The following ROBO1 variants were observed in gnomAD, a reference collection of about 807,000 sequenced individuals.
ROBO1 encodes the protein roundabout guidance receptor 1, also known as roundabout homolog 1.
Under a neutral mutation model 195.9 loss-of-function variants are expected in ROBO1, and 149 were observed. The ratio of observed to expected loss-of-function variants is 0.76; its 90% CI spans 0.67 to 0.87. The LOEUF (loss-of-function observed/expected upper bound fraction) is 0.87, where lower values mean the gene tolerates loss of function less well. Ranked by LOEUF, ROBO1 falls within the 40% of genes least tolerant of loss-of-function variation. The pLI is 0.00. For synonymous variants in ROBO1, 816 were observed against 733.2 expected (o/e 1.11, Z -1.82); for missense variants, 1,933 against 2,068.3 (o/e 0.93, Z 1.27).
At chr3:79,196,321 G>GGT (rs1468796460) in intron 2 of ROBO1, among the ~76,000 whole-genome samples, 5 of 146,628 alleles carry the variant, frequency 3.4e-5, no homozygotes, top group African/African-American at 1.3e-4. Flanking sequence ...AAAAAGATGA[G>GGT]GTGAGAAGAA....
At chr3:78,651,136 C>T (rs1004241419) in intron 19 of ROBO1, among the ~76,000 whole-genome samples, 8 of 152,040 alleles carry the variant, frequency 5.3e-5, no homozygotes, top group Admixed American at 1.3e-4. Context: ...ACTGTAAACA[C>T]ATTCGTAACA....
chr3:78,845,146 T>G (rs750668351), intron 4 of ROBO1, among the ~76,000 whole-genome samples: 1 of 152,052 alleles, frequency 6.6e-6, no homozygotes, highest in Non-Finnish European at 1.5e-5. Flanking sequence ...CACTAACTAC[T>G]GTGAATATCA....
In ROBO1 at chr3:79,539,254, TTTG is replaced by T. The variant is rs1267280519; in HGVS notation, c.88+50567_88+50569del. Among the ~76,000 whole-genome samples the T allele has an allele frequency of 2.0e-5, 3 of 152,148 alleles. No individual in the cohort carries two copies. The East Asian group carries it at 5.8e-4, about 29-fold the overall frequency. ...TTTACAAGCTGGAATTATCAGATAA[TTTG>T]TTATGGGATACTCCTTAATACTTCC... On this transcript the variant is annotated intron_variant, in intron 2 of 30. Transcript: ENST00000464233.
At chr3:78,790,215 A>G (rs559102987) in intron 4 of ROBO1, among the ~76,000 whole-genome samples, 1 of 152,206 alleles carries the variant, frequency 6.6e-6, no homozygotes, top group East Asian at 1.9e-4. Context: ...CAGGTCTTAG[A>G]CCTCACTCCA....
intron 2 of ROBO1, among the ~76,000 whole-genome samples, chr3:79,512,101 A>C (rs1940735907): frequency 6.6e-6 from 1 of 152,184 alleles, no homozygotes. Flanking sequence ...AAGAAAACTG[A>C]TAGTAATGTC....
chr3:79,166,632 C>A (rs1196312539), intron 2 of ROBO1, among the ~76,000 whole-genome samples: 1 of 147,456 alleles, frequency 6.8e-6, no homozygotes, highest in Non-Finnish European at 1.5e-5. Context: ...GTGGTGCAAT[C>A]TCGGCTCACT....
rs545737247 is a variant in ROBO1, at chr3:79,643,101, C to T, written c.-50-53140G>A. Among the ~76,000 whole-genome samples the T allele has an allele frequency of 2.6e-5, 4 of 152,142 alleles. No homozygotes were observed. In the East Asian group the frequency reaches 7.7e-4, roughly 29 times the overall value. On this transcript the variant is annotated intron_variant, in intron 1 of 30. Transcript: ENST00000464233. ...CTGCTAGTGTGGCTAAAAAAAAAAGCAGACAGAAGAAGTTGGAAAGAGCAG... is the reference window on the plus strand; with the variant it reads ...CTGCTAGTGTGGCTAAAAAAAAAAGTAGACAGAAGAAGTTGGAAAGAGCAG...
At chr3:79,656,954 G>A (rs1274123453) in intron 1 of ROBO1, among the ~76,000 whole-genome samples, 3 of 151,994 alleles carry the variant, frequency 2.0e-5, no homozygotes, top group Admixed American at 2.0e-4. Flanking sequence ...TATAGCAGGT[G>A]TAGAAAAGGG....
At chr3:78,862,768 T>G (rs550808209) in intron 4 of ROBO1, among the ~76,000 whole-genome samples, 1 of 152,208 alleles carries the variant, frequency 6.6e-6, no homozygotes, top group Non-Finnish European at 1.5e-5. Flanking sequence ...AGAGATATGA[T>G]ATAAACCTCT....
At chr3:79,418,209 GTTTC>G (rs2038085913) in intron 2 of ROBO1, among the ~76,000 whole-genome samples, 1 of 152,126 alleles carries the variant, frequency 6.6e-6, no homozygotes, top group Non-Finnish European at 1.5e-5. Flanking sequence ...GCACTGGTGT[GTTTC>G]TTTCTATGGC....
chr3:79,689,386 T>C (rs1947233735), intron 1 of ROBO1, among the ~76,000 whole-genome samples: 1 of 152,064 alleles, frequency 6.6e-6, no homozygotes, highest in African/African-American at 2.4e-5. Context: ...AAATACATCT[T>C]ATGTTTTATA....
chr3:78,913,347 T>A (rs935917919), intron 4 of ROBO1, among the ~76,000 whole-genome samples: 2 of 152,116 alleles, frequency 1.3e-5, no homozygotes, highest in Non-Finnish European at 2.9e-5. Flanking sequence ...ACATTATGTA[T>A]CGCAGTCAAC....
At chr3:79,114,047 G>A (rs368682247) in intron 3 of ROBO1, among the ~76,000 whole-genome samples, 1 of 152,122 alleles carries the variant, frequency 6.6e-6, no homozygotes, top group African/African-American at 2.4e-5. Context: ...TCTGATAAAT[G>A]GTTTTATAAA....
At chr3:79,248,717 A>G (rs971357368) in intron 2 of ROBO1, among the ~76,000 whole-genome samples, 2 of 152,172 alleles carry the variant, frequency 1.3e-5, no homozygotes, top group African/African-American at 4.8e-5. Flanking sequence ...GGTTTGCTCT[A>G]AAGAGGTGAT....
chr3:79,434,706 T>A (rs1462213370), intron 2 of ROBO1, among the ~76,000 whole-genome samples: 1 of 152,140 alleles, frequency 6.6e-6, no homozygotes, highest in African/African-American at 2.4e-5. Context: ...AGCCATCCCA[T>A]TACTGGGTAT....
intron 9 of ROBO1, among the ~76,000 whole-genome samples, chr3:78,688,281 ATC>A (rs998988496): frequency 3.3e-5 from 5 of 152,222 alleles, no homozygotes; most frequent in East Asian, 1.9e-4. Flanking sequence ...AATAATTATC[ATC>A]TGTTTTAAAT....
At chr3:78,635,486 C>G (rs1705438749) in intron 23 of ROBO1, among the ~76,000 whole-genome samples, 1 of 152,010 alleles carries the variant, frequency 6.6e-6, no homozygotes, top group Admixed American at 6.6e-5. Flanking sequence ...GTACATCTGC[C>G]TCATGAATAA....
chr3:79,638,311 T>C (rs749489007), intron 1 of ROBO1, among the ~76,000 whole-genome samples: 4 of 152,238 alleles, frequency 2.6e-5, no homozygotes, highest in Non-Finnish European at 4.4e-5. Context: ...GTGATTCTAA[T>C]TTATTTAGCA....
chr3:78,752,712 T>C (rs1431076151), intron 4 of ROBO1, among the ~76,000 whole-genome samples: 1 of 152,096 alleles, frequency 6.6e-6, no homozygotes, highest in Non-Finnish European at 1.5e-5. Flanking sequence ...AAAATAATAT[T>C]CCATCAAATA....
Sources: gnomAD v4.1 joint callset for allele counts (sites outside exome capture counted in the v4.1 genomes callset) on GRCh38, gnomAD v4.1.1 for gene constraint, MANE v1.5 for transcripts, NCBI Gene and HGNC (gene_info 2026-07-23, HGNC 2026-07-21) for gene names.